The following ARHGAP22 variants were observed in gnomAD, a reference collection of about 807,000 sequenced individuals.
The protein encoded by ARHGAP22 is Rho GTPase activating protein 22.
Under a neutral mutation model 59.1 loss-of-function variants are expected in ARHGAP22, and 48 were observed. The observed-to-expected ratio is 0.81, with a 90% CI of 0.64 to 1.03. The LOEUF (loss-of-function observed/expected upper bound fraction) is 1.03. Ranked by LOEUF, ARHGAP22 falls within the 50% of genes least tolerant of loss-of-function variation. The pLI, the probability that ARHGAP22 is intolerant of heterozygous loss-of-function variation, is 0.00. For missense variants in ARHGAP22, 1,015 were observed against 958.7 expected, an observed-to-expected ratio of 1.06 and a Z score of -0.78; for synonymous variants, 445 against 416.4, an observed-to-expected ratio of 1.07 and a Z score of -0.84.
At chr10:48,604,374 C>T (rs900132414) in intron 1 of ARHGAP22, among the ~76,000 whole-genome samples, 1 of 152,226 alleles carries the variant, frequency 6.6e-6, no homozygotes, top group Non-Finnish European at 1.5e-5. Flanking sequence ...GCATGGCCTT[C>T]CCTGGTAAGG....
intron 1 of ARHGAP22, among the ~76,000 whole-genome samples, chr10:48,631,365 T>A (rs779618431): frequency 4.6e-5 from 7 of 152,218 alleles, no homozygotes; most frequent in Non-Finnish European, 1.0e-4. Context: ...TGGAAGATAC[T>A]GTAGAGAATT....
At chr10:48,652,217 C>T (rs1487324216) in intron 1 of ARHGAP22, 2 of 1,532,832 alleles carry the variant, frequency 1.3e-6, no homozygotes, top group South Asian at 1.2e-5. Flanking sequence ...CCACATAGAA[C>T]ATAAAAAAAT....
Position 48,590,045 on chromosome 10 carries a change from C to A in ARHGAP22, c.35-6893G>T, listed in dbSNP as rs542456287. Among the ~76,000 whole-genome samples the A allele has an allele frequency of 7.2e-5, 11 of 152,104 alleles. No individual in the cohort carries two copies. In the South Asian group the frequency reaches 2.3e-3, roughly 32 times the overall value. ...AACAAAATTTTCAAAAGCAGGTAAA[C>A]CACGCCAAGGGAAGAGAGTTAAGGT... On this transcript the variant is annotated intron_variant, in intron 1 of 9. Transcript: ENST00000249601.
intron 4 of ARHGAP22, among the ~76,000 whole-genome samples, chr10:48,462,043 C>T (rs2047181600): frequency 6.6e-6 from 1 of 152,232 alleles, no homozygotes; most frequent in Admixed American, 6.5e-5. Context: ...AAGGTGAAGA[C>T]TCTTCCTTTG....
Position 48,635,927 on chromosome 10 carries a change from C to G in ARHGAP22, c.52+16307G>C, listed in dbSNP as rs550404229. On this transcript the variant is annotated intron_variant, in intron 1 of 9. Coordinates refer to the ARHGAP22 transcript ENST00000435790. ...AATGGGAACATTAATATCTTGCAAG[C>G]TGGCTACAGGAATTAAATGACATCA... 3.9e-5 allele frequency among the ~76,000 whole-genome samples: 6 copies of G among 152,342 alleles called. No homozygotes were observed. The South Asian group carries it at 1.2e-3, about 32-fold the overall frequency.
intron 3 of ARHGAP22, among the ~76,000 whole-genome samples, chr10:48,553,140 T>G (rs2057030659): frequency 6.6e-6 from 1 of 152,214 alleles, no homozygotes; most frequent in Admixed American, 6.5e-5. Flanking sequence ...GGACCACTCT[T>G]GGGCCCCGGG....
chr10:48,627,258 G>A (rs933202422), intron 1 of ARHGAP22, among the ~76,000 whole-genome samples: 1 of 152,198 alleles, frequency 6.6e-6, no homozygotes, highest in African/African-American at 2.4e-5. Context: ...TATCAAACCT[G>A]AGGAGGGGTT....
chr10:48,526,151 C>T (rs1331740835), intron 3 of ARHGAP22, among the ~76,000 whole-genome samples: 2 of 152,026 alleles, frequency 1.3e-5, no homozygotes, highest in Non-Finnish European at 2.9e-5. Context: ...GAGGTGGTCT[C>T]AGAGGAGAAT....
chr10:48,507,519 CT>C (rs944941052), intron 3 of ARHGAP22, among the ~76,000 whole-genome samples: 3 of 152,190 alleles, frequency 2.0e-5, no homozygotes, highest in Admixed American at 6.5e-5. Flanking sequence ...AAAGGTTAGC[CT>C]TTTGGGGAAA....
At chr10:48,431,151 C>G in the ARHGAP22 span, 6 of 1,332,576 alleles carry the variant, frequency 4.5e-6, no homozygotes, top group Non-Finnish European at 5.4e-6. Flanking sequence ...GAGATTGGCT[C>G]TTAGACTTTG....
Position 48,540,267 on chromosome 10 carries a change from G to A in ARHGAP22, c.322+15196C>T, listed in dbSNP as rs984338040. 3.2e-4 allele frequency among the ~76,000 whole-genome samples: 48 copies of A among 152,198 alleles called. 1 individual carries two copies. Among genetic ancestry groups the A allele is most frequent in the Non-Finnish European group, 2.1e-4 (14 of 68,036 alleles). On this transcript the variant is annotated intron_variant, in intron 3 of 9. Coordinates refer to ENST00000249601, the MANE Select transcript of ARHGAP22 (RefSeq NM_021226.4). ...AAGATAAACTGAAAAAGCAGCTTTT[G>A]CTCTTGCTGCCCAGGCTGGAGTGCA... is the stretch of plus-strand genomic sequence containing the variant.
chr10:48,536,594 G>A (rs2055382227), intron 3 of ARHGAP22, among the ~76,000 whole-genome samples: 1 of 152,166 alleles, frequency 6.6e-6, no homozygotes, highest in Non-Finnish European at 1.5e-5. Flanking sequence ...CAGACCTCCT[G>A]TAAACCAAAC....
chr10:48,591,537 A>T (rs897139434), intron 1 of ARHGAP22, among the ~76,000 whole-genome samples: 1 of 152,246 alleles, frequency 6.6e-6, no homozygotes, highest in African/African-American at 2.4e-5. Context: ...GACTACAGCC[A>T]TAAGATACCG....
chr10:48,555,314 C>T, intron 3 of ARHGAP22, 149 bp downstream of exon 3: 1 of 667,224 alleles, frequency 1.5e-6, no homozygotes, highest in Non-Finnish European at 2.6e-6. Flanking sequence ...TGTGAGTATG[C>T]TGTCGATTTG....
chr10:48,551,265 T>A (rs2056870712), intron 3 of ARHGAP22, among the ~76,000 whole-genome samples: 1 of 152,202 alleles, frequency 6.6e-6, no homozygotes, highest in South Asian at 2.1e-4. Context: ...GCAGGTGGCA[T>A]CTTGCCTGTC....
In ARHGAP22 at chr10:48,617,568, A is replaced by T. The variant is rs868670860; in HGVS notation, c.53-34416T>A. ...AAGAGGAGCTTTCAAAATCATACAA[A>T]CACATGAAAATTAAACACCATGCTC... On this transcript the variant is annotated intron_variant, in intron 1 of 9. Transcript: ENST00000435790. 2.6e-5 allele frequency among the ~76,000 whole-genome samples: 4 copies of T among 152,006 alleles called. No individual in the cohort carries two copies. The East Asian group carries it at 7.7e-4, about 29-fold the overall frequency.
At chr10:48,566,092 T>A (rs61211884) in intron 2 of ARHGAP22, among the ~76,000 whole-genome samples, 58,696 of 151,998 alleles carry the variant, frequency 0.39, 12,762 homozygotes, top group East Asian at 0.89. Context: ...AGACTGGCTC[T>A]CTGGGAAGTC....
At chr10:48,496,960 T>C (rs1304526560) in intron 3 of ARHGAP22, among the ~76,000 whole-genome samples, 5 of 152,086 alleles carry the variant, frequency 3.3e-5, no homozygotes, top group African/African-American at 4.8e-5. Context: ...GTATACCGGA[T>C]TCCTTGGGGC....
At chr10:48,503,256 T>C (rs1475303284) in intron 3 of ARHGAP22, among the ~76,000 whole-genome samples, 2 of 152,008 alleles carry the variant, frequency 1.3e-5, no homozygotes, top group Admixed American at 1.3e-4. Flanking sequence ...AAGAGAGGGG[T>C]TGTGGGGACG....
Sources: gnomAD v4.1 joint callset for allele counts (sites outside exome capture counted in the v4.1 genomes callset) on GRCh38, gnomAD v4.1.1 for gene constraint, MANE v1.5 for transcripts, NCBI Gene and HGNC (gene_info 2026-07-23, HGNC 2026-07-21) for gene names.